Variants in CIT observed in about 807,000 individuals in gnomAD.
CIT encodes citron rho-interacting serine/threonine kinase, also known as citron Rho-interacting kinase.
CIT carries 79 observed loss-of-function variants against 272.7 expected under a neutral mutation model. The observed-to-expected ratio is 0.29, with a 90% CI of 0.24 to 0.35. The LOEUF (loss-of-function observed/expected upper bound fraction) is 0.35. CIT is among the 10% of genes least tolerant of loss of function. The pLI, the probability that CIT is intolerant of heterozygous loss-of-function variation, is 1.00. For missense variants in CIT, 1,909 were observed against 2,618.3 expected (o/e 0.73, Z 5.91); for synonymous variants, 948 against 995.6 (o/e 0.95, Z 0.90).
At chr12:119,788,434 C>T (rs1262137847) in intron 10 of CIT, among the ~76,000 whole-genome samples, 1 of 152,166 alleles carries the variant, frequency 6.6e-6, no homozygotes, top group Non-Finnish European at 1.5e-5. Context: ...AAGTCACCCA[C>T]ATGTCATGAA....
rs150246275 is a variant in CIT at position 119,730,587 on chromosome 12, C to T, written c.3394G>A (p.Glu1132Lys). The change falls in exon 27 of 48, where the codon GAG becomes AAG. Residue 1132 changes from glutamate to lysine, a missense_variant. Transcript: ENST00000392521. ...GCCTTGTGCTCCTTCACTGCCAGCTCCACCACCTGGCGAGACTCGGTGATC... is the reference window on the plus strand; with the variant it reads ...GCCTTGTGCTCCTTCACTGCCAGCTTCACCACCTGGCGAGACTCGGTGATC... ...QRITESRQVV[E>K]LAVKEHKAEI... 1.2e-6 allele frequency: 2 copies of T among 1,614,010 alleles called. No homozygotes were observed. Among genetic ancestry groups the T allele is most frequent in the Non-Finnish European group, 1.7e-6 (2 of 1,179,988 alleles).
chr12:119,697,441 C>T lies in CIT; in HGVS notation c.5882+218G>A, dbSNP rs1277574497. Among the ~76,000 whole-genome samples, 1 of 152,198 alleles carries T rather than the reference C, an allele frequency of 6.6e-6. No homozygotes were observed. Among genetic ancestry groups the T allele is most frequent in the African/African-American group, 2.4e-5 (1 of 41,454 alleles). ...AATACCCAGGAGAGAAAGATCAGAC[C>T]TCTCCCCTCTGACTTTTGCAAGGTG... is the stretch of plus-strand genomic sequence containing the variant. On this transcript the variant is annotated intron_variant, in intron 46 of 47. Coordinates refer to ENST00000392521, the MANE Select transcript of CIT (RefSeq NM_001206999.2). The surrounding 1 kb of genome is among the most constrained non-coding windows in gnomAD (Gnocchi z 4.9).
chr12:119,701,785 A>C, intron 42 of CIT, 33 bp from the exon 43 acceptor site: 1 of 1,614,152 alleles, frequency 6.2e-7, no homozygotes, highest in South Asian at 1.1e-5. Context: ...GGGCTTCAGG[A>C]GTGAGTTCTG....
Position 119,770,982 on chromosome 12 carries a change from A to G in CIT, c.2083-72T>C. On this transcript the variant is annotated intron_variant, in intron 17 of 47. Transcript: ENST00000392521. This position sits in a 1 kb window ranked among gnomAD's most constrained non-coding sequence, Gnocchi z 4.4. ...TGGGCATAACACCTGCACCGAGGGA[A>G]AGAGCCCTCAAGAAGCATACACTCG... 6.5e-7 allele frequency: 1 copy of G among 1,545,086 alleles called. No individual in the cohort carries two copies. The highest frequency in any genetic ancestry group is 1.4e-5 in the African/African-American group (1 of 72,726).
intron 10 of CIT, among the ~76,000 whole-genome samples, chr12:119,794,107 C>T (rs1049842285): frequency 6.6e-6 from 1 of 152,192 alleles, no homozygotes; most frequent in African/African-American, 2.4e-5. Context: ...CCCAGGCAGT[C>T]TCAATCCCAA....
chr12:119,748,940 CT>C (rs1454526501), intron 23 of CIT, among the ~76,000 whole-genome samples: 2 of 152,224 alleles, frequency 1.3e-5, no homozygotes, highest in Non-Finnish European at 2.9e-5. Flanking sequence ...AATTATCTCC[CT>C]TGAGATGGAG....
intron 26 of CIT, among the ~76,000 whole-genome samples, chr12:119,731,532 C>A (rs902802056): frequency 6.6e-6 from 1 of 150,652 alleles, no homozygotes; most frequent in Non-Finnish European, 1.5e-5. Context: ...TGAGTGTCTC[C>A]ATAAATAATG....
chr12:119,808,525 TAA>T (rs536884755), intron 9 of CIT, among the ~76,000 whole-genome samples: 3 of 146,278 alleles, frequency 2.1e-5, no homozygotes, highest in African/African-American at 5.0e-5. Context: ...ACTAGCATAT[TAA>T]AAAAAAAAAA....
chr12:119,721,015 G>A (rs983962201), intron 29 of CIT, among the ~76,000 whole-genome samples: 3 of 152,130 alleles, frequency 2.0e-5, no homozygotes, highest in Admixed American at 6.5e-5. Context: ...TGCCCGGGCT[G>A]GAGTGCAGTG....
intron 18 of CIT, 82 bp from the exon 19 acceptor site, chr12:119,767,264 C>T (rs1466098086): frequency 9.1e-7 from 1 of 1,097,606 alleles, no homozygotes; most frequent in Non-Finnish European, 1.3e-6. Context: ...GGAAACATGA[C>T]TTTGGTACAG....
intron 5 of CIT, among the ~76,000 whole-genome samples, chr12:119,848,761 C>T (rs985204948): frequency 2.0e-5 from 3 of 152,092 alleles, no homozygotes; most frequent in African/African-American, 7.2e-5. Flanking sequence ...CATGGTGGCT[C>T]ACACCTGTAA....
intron 2 of CIT, among the ~76,000 whole-genome samples, chr12:119,869,688 G>A (rs1156646754): frequency 6.6e-6 from 1 of 152,202 alleles, no homozygotes; most frequent in Non-Finnish European, 1.5e-5. Context: ...ATGATCTGGA[G>A]AAATAGTTAC....
At chr12:119,744,714 C>CAAAAA (rs33990797) in intron 23 of CIT, among the ~76,000 whole-genome samples, 2 of 103,508 alleles carry the variant, frequency 1.9e-5, no homozygotes, top group African/African-American at 7.6e-5. Flanking sequence ...GACTCCGCCT[C>CAAAAA]AAAAAAAAAA....
At chr12:119,769,250 AC>A (rs1962817789) in intron 18 of CIT, among the ~76,000 whole-genome samples, 1 of 151,978 alleles carries the variant, frequency 6.6e-6, no homozygotes, top group African/African-American at 2.4e-5. Context: ...AGAACTCTCT[AC>A]TCCTCCATTT....
chr12:119,734,048 G>A (rs562837861), intron 26 of CIT, 116 bp downstream of exon 26: 6 of 1,152,108 alleles, frequency 5.2e-6, no homozygotes, highest in African/African-American at 4.7e-5. Flanking sequence ...CAGGAGGCTT[G>A]TGACCCAGGA....
chr12:119,809,627 C>T (rs1408487555), intron 9 of CIT, among the ~76,000 whole-genome samples: 1 of 152,144 alleles, frequency 6.6e-6, no homozygotes, highest in Non-Finnish European at 1.5e-5. Flanking sequence ...TCTAATCTTC[C>T]CCCACCTTTC....
At chr12:119,871,803 G>C (rs1594018630) in intron 2 of CIT, among the ~76,000 whole-genome samples, 1 of 152,330 alleles carries the variant, frequency 6.6e-6, no homozygotes, top group East Asian at 1.9e-4. Flanking sequence ...GCTGCAGTGA[G>C]CCAAGATTGT....
chr12:119,808,358 T>G (rs982456100), intron 9 of CIT, among the ~76,000 whole-genome samples: 4 of 152,194 alleles, frequency 2.6e-5, no homozygotes, highest in Non-Finnish European at 4.4e-5. Flanking sequence ...CTGTCCTTAT[T>G]TAATGTTTAA....
At chr12:119,835,591 C>G (rs1968937697) in intron 5 of CIT, among the ~76,000 whole-genome samples, 1 of 152,146 alleles carries the variant, frequency 6.6e-6, no homozygotes, top group Admixed American at 6.6e-5. Flanking sequence ...AAGGCAAGAT[C>G]TGAATATACT....
Sources: gnomAD v4.1 joint callset for allele counts (sites outside exome capture counted in the v4.1 genomes callset) on GRCh38, gnomAD v4.1.1 for gene constraint, Gnocchi (gnomAD v3.1) non-coding constraint, MANE v1.5 for transcripts, NCBI Gene and HGNC (gene_info 2026-07-23, HGNC 2026-07-21) for gene names.